The following DPP10 variants were observed in gnomAD, a reference collection of about 807,000 sequenced individuals.
The protein encoded by DPP10 is inactive dipeptidyl peptidase 10.
In DPP10, 33 loss-of-function variants were observed where a neutral mutation model predicts 120.9. The observed-to-expected ratio is 0.27, with a 90% CI of 0.21 to 0.37. The LOEUF is 0.37. DPP10 is among the 10% of genes least tolerant of loss of function. The pLI is 1.00. For missense variants in DPP10, 816 were observed against 942.8 expected, an observed-to-expected ratio of 0.87 and a Z score of 1.76; for synonymous variants, 337 against 326.1, an observed-to-expected ratio of 1.03 and a Z score of -0.36.
At chr2:114,618,290 A>C (rs1280130425) in intron 1 of DPP10, among the ~76,000 whole-genome samples, 1 of 152,002 alleles carries the variant, frequency 6.6e-6, no homozygotes, top group African/African-American at 2.4e-5. Flanking sequence ...CAAATTCCCC[A>C]AGGGTAAATG....
At chr2:114,632,059 C>T (rs1407094483) in intron 1 of DPP10, among the ~76,000 whole-genome samples, 1 of 152,058 alleles carries the variant, frequency 6.6e-6, no homozygotes, top group African/African-American at 2.4e-5. Context: ...TAAATATCTT[C>T]TTCTATCCCT....
At chr2:115,498,596 G>A (rs2076524268) in intron 3 of DPP10, among the ~76,000 whole-genome samples, 1 of 151,426 alleles carries the variant, frequency 6.6e-6, no homozygotes, top group Non-Finnish European at 1.5e-5. Context: ...GAAAAGGCTA[G>A]AATTGGGTAA....
intron 5 of DPP10, among the ~76,000 whole-genome samples, chr2:115,679,149 G>T (rs2090479653): frequency 6.6e-6 from 1 of 152,074 alleles, no homozygotes; most frequent in Non-Finnish European, 1.5e-5. Context: ...TTGGAGGATT[G>T]TTGGAAGGGC....
chr2:114,459,305 C>T (rs1294997906), intron 1 of DPP10, among the ~76,000 whole-genome samples: 3 of 152,134 alleles, frequency 2.0e-5, no homozygotes, highest in Non-Finnish European at 4.4e-5. Context: ...GCTCTTATGC[C>T]AGGACAGATT....
chr2:114,489,476 G>A (rs1472218915), intron 1 of DPP10, among the ~76,000 whole-genome samples: 7 of 152,188 alleles, frequency 4.6e-5, no homozygotes, highest in Admixed American at 4.6e-4. Context: ...CACATGGAAA[G>A]GGAAAATTAA....
chr2:114,458,584 C>G lies in DPP10; in HGVS notation c.60+15746C>G, dbSNP rs138234947. ...TGTGCGCTTTGGAATCGAACTGCCT[C>G]AATTCATATTCCAGCTTGCCGCTTT... On this transcript the variant is annotated intron_variant, in intron 1 of 25. Transcript: ENST00000410059. 3.9e-4 allele frequency among the ~76,000 whole-genome samples: 60 copies of G among 152,300 alleles called. No homozygotes were observed. The East Asian group carries it at 6.6e-3, about 17-fold the overall frequency.
At chr2:114,543,667 T>A (rs1687132333) in intron 1 of DPP10, among the ~76,000 whole-genome samples, 1 of 152,192 alleles carries the variant, frequency 6.6e-6, no homozygotes, top group South Asian at 2.1e-4. Flanking sequence ...GCCAAGTCAT[T>A]AAGCAAGCAA....
intron 1 of DPP10, chr2:114,833,248 G>C (rs961928865): frequency 6.6e-6 from 1 of 150,508 alleles, no homozygotes; most frequent in African/African-American, 2.4e-5. Context: ...TGATGTAAGA[G>C]TTGTGATTAT....
At chr2:115,162,324 G>T in intron 1 of DPP10, 1 of 1,467,932 alleles carries the variant, frequency 6.8e-7, no homozygotes, top group East Asian at 2.8e-5. Flanking sequence ...CACCGAGGGA[G>T]GGAGAGGCGG....
At chr2:115,398,438 T>C (rs2104459152) in intron 3 of DPP10, among the ~76,000 whole-genome samples, 1 of 152,274 alleles carries the variant, frequency 6.6e-6, no homozygotes, top group African/African-American at 2.4e-5. Context: ...GAAAATTGCT[T>C]GAAATGAATC....
chr2:114,490,643 G>A (rs986952272), intron 1 of DPP10, among the ~76,000 whole-genome samples: 28 of 152,152 alleles, frequency 1.8e-4, no homozygotes, highest in Admixed American at 6.5e-4. Context: ...GAGAAGCAAA[G>A]GGGGAGAAGA....
intron 1 of DPP10, among the ~76,000 whole-genome samples, chr2:115,210,683 G>C (rs1261692130): frequency 6.6e-6 from 1 of 152,106 alleles, no homozygotes; most frequent in East Asian, 1.9e-4. Context: ...AGCACCTGTT[G>C]TTTCCTGACT....
intron 1 of DPP10, among the ~76,000 whole-genome samples, chr2:115,117,457 A>G (rs1182223223): frequency 3.9e-5 from 6 of 152,128 alleles, no homozygotes; most frequent in African/African-American, 1.4e-4. Flanking sequence ...AAATGTATCT[A>G]TTTAGTTGAG....
At chr2:115,487,116 C>G (rs1478337400) in intron 3 of DPP10, among the ~76,000 whole-genome samples, 1 of 151,734 alleles carries the variant, frequency 6.6e-6, no homozygotes, top group African/African-American at 2.4e-5. Context: ...CATGAGTGAA[C>G]TCCCATTCAC....
intron 1 of DPP10, among the ~76,000 whole-genome samples, chr2:114,625,466 C>T (rs1261839735): frequency 2.0e-5 from 3 of 151,768 alleles, no homozygotes; most frequent in Non-Finnish European, 1.5e-5. Context: ...TTAGGACTGA[C>T]AAAAAAGCAA....
chr2:115,226,016 A>G (rs1442626001), intron 1 of DPP10, among the ~76,000 whole-genome samples: 1 of 152,080 alleles, frequency 6.6e-6, no homozygotes, highest in Non-Finnish European at 1.5e-5. Context: ...TATTTTTTGG[A>G]CAGTAATGTT....
intron 4 of DPP10, among the ~76,000 whole-genome samples, chr2:115,504,429 T>C (rs939642310): frequency 2.0e-5 from 3 of 152,052 alleles, no homozygotes; most frequent in Non-Finnish European, 2.9e-5. Flanking sequence ...TGCTTGGGCA[T>C]GTCCTTCCCC....
At chr2:115,571,689 G>T (rs1575209722) in intron 5 of DPP10, among the ~76,000 whole-genome samples, 2 of 130,520 alleles carry the variant, frequency 1.5e-5, no homozygotes. Flanking sequence ...TAGAGTTGTT[G>T]TTCCTTTTTT....
At chr2:115,498,037 T>A (rs1486417780) in intron 3 of DPP10, among the ~76,000 whole-genome samples, 1 of 143,128 alleles carries the variant, frequency 7.0e-6, no homozygotes. Context: ...TATAGAACTA[T>A]CAGTCCATAC....
Sources: gnomAD v4.1 joint callset for allele counts (sites outside exome capture counted in the v4.1 genomes callset) on GRCh38, gnomAD v4.1.1 for gene constraint, MANE v1.5 for transcripts, NCBI Gene and HGNC (gene_info 2026-07-23, HGNC 2026-07-21) for gene names.